Variants in HSD17B12 observed in about 807,000 individuals in gnomAD.
The protein encoded by HSD17B12 is hydroxysteroid 17-beta dehydrogenase 12.
HSD17B12 carries 32 observed loss-of-function variants against 39.3 expected under a neutral mutation model. The ratio of observed to expected loss-of-function variants is 0.81; its 90% CI spans 0.61 to 1.09. HSD17B12 has a LOEUF of 1.09. HSD17B12 is among the 50% of genes least tolerant of loss of function. HSD17B12 has a pLI of 0.00. For synonymous variants in HSD17B12, 150 were observed against 146.7 expected (o/e 1.02, Z -0.16); for missense variants, 342 against 382.9 (o/e 0.89, Z 0.89).
the HSD17B12 span, among the ~76,000 whole-genome samples, chr11:43,593,617 T>C: frequency 6.6e-6 from 1 of 152,178 alleles, no homozygotes; most frequent in African/African-American, 2.4e-5. Flanking sequence ...GAACTGACTT[T>C]ATCTTCGTAA....
At chr11:43,744,918 C>A (rs899267596) in intron 1 of HSD17B12, among the ~76,000 whole-genome samples, 1 of 152,212 alleles carries the variant, frequency 6.6e-6, no homozygotes, top group Admixed American at 6.5e-5. Flanking sequence ...CAACCTTTGT[C>A]CCTGAGTGTG....
chr11:43,628,951 C>T, the HSD17B12 span, among the ~76,000 whole-genome samples: 1 of 152,074 alleles, frequency 6.6e-6, no homozygotes, highest in Non-Finnish European at 1.5e-5. Flanking sequence ...GAATGTCACT[C>T]ATCCTAACTG....
chr11:43,650,917 T>C, the HSD17B12 span, among the ~76,000 whole-genome samples: 1 of 152,240 alleles, frequency 6.6e-6, no homozygotes. Context: ...TGTCCATTAG[T>C]TACTTAGTAG....
At chr11:43,828,212 G>A (rs1455064734) in intron 6 of HSD17B12, among the ~76,000 whole-genome samples, 2 of 147,066 alleles carry the variant, frequency 1.4e-5, no homozygotes, top group Non-Finnish European at 3.0e-5. Context: ...GCGGGATCTC[G>A]GCTCACTGCA....
At chr11:43,723,661 AT>A (rs2134870384) in intron 1 of HSD17B12, among the ~76,000 whole-genome samples, 1 of 152,372 alleles carries the variant, frequency 6.6e-6, no homozygotes, top group Non-Finnish European at 1.5e-5. Flanking sequence ...CATGTAAAAT[AT>A]CTTGTCTTAC....
intron 3 of HSD17B12, among the ~76,000 whole-genome samples, chr11:43,766,390 A>T (rs12224087): frequency 1.3e-5 from 2 of 152,020 alleles, no homozygotes; most frequent in African/African-American, 2.4e-5. Context: ...TGCATTCTTT[A>T]TTGTCCAATG....
At chr11:43,783,414 C>CT (rs869204675) in intron 3 of HSD17B12, among the ~76,000 whole-genome samples, 15 of 131,498 alleles carry the variant, frequency 1.1e-4, no homozygotes, top group Admixed American at 2.3e-4. Flanking sequence ...TTTTTTTTTA[C>CT]TTTTTTTTTT....
intron 3 of HSD17B12, among the ~76,000 whole-genome samples, chr11:43,769,039 A>C (rs1475017731): frequency 2.6e-5 from 4 of 152,240 alleles, no homozygotes; most frequent in Non-Finnish European, 5.9e-5. Flanking sequence ...CACCAGGTTC[A>C]AGTGATTCTG....
the HSD17B12 span, among the ~76,000 whole-genome samples, chr11:43,638,575 C>T: frequency 1.3e-5 from 2 of 151,984 alleles, no homozygotes; most frequent in African/African-American, 4.8e-5. Context: ...TTTTCTTAAA[C>T]GGAAAGGGAA....
At chr11:43,672,572 A>C in the HSD17B12 span, among the ~76,000 whole-genome samples, 3 of 151,734 alleles carry the variant, frequency 2.0e-5, no homozygotes, top group Non-Finnish European at 4.4e-5. Flanking sequence ...TTTTAAGATA[A>C]AGTCTCACTC....
chr11:43,755,897 T>C (rs1220468684), intron 3 of HSD17B12, among the ~76,000 whole-genome samples: 2 of 152,198 alleles, frequency 1.3e-5, no homozygotes, highest in Admixed American at 6.5e-5. Flanking sequence ...AGAAGTTTAA[T>C]AGATACACAT....
At chr11:43,571,676 G>C in the HSD17B12 span, among the ~76,000 whole-genome samples, 63 of 152,278 alleles carry the variant, frequency 4.1e-4, no homozygotes, top group African/African-American at 1.5e-3. Flanking sequence ...TGAATAGACT[G>C]TTGAGACTAT....
chr11:43,794,614 A>C (rs1321739674), intron 3 of HSD17B12, among the ~76,000 whole-genome samples: 3 of 152,206 alleles, frequency 2.0e-5, no homozygotes, highest in Non-Finnish European at 4.4e-5. Context: ...ATCACTTTAA[A>C]CATTCACCGG....
intron 1 of HSD17B12, among the ~76,000 whole-genome samples, chr11:43,732,705 C>G (rs538429627): frequency 6.6e-6 from 1 of 152,072 alleles, no homozygotes; most frequent in Non-Finnish European, 1.5e-5. Flanking sequence ...TCAAGTGATC[C>G]TTCTGCGTTG....
the HSD17B12 span, among the ~76,000 whole-genome samples, chr11:43,560,477 G>T: frequency 5.3e-5 from 8 of 152,262 alleles, no homozygotes; most frequent in African/African-American, 4.8e-5. Context: ...GAACTCTATT[G>T]CCTTCCTTCT....
intron 1 of HSD17B12, among the ~76,000 whole-genome samples, chr11:43,729,446 T>G (rs1226200485): frequency 6.6e-6 from 1 of 152,226 alleles, no homozygotes. Context: ...AAGTTGTTTT[T>G]TCTCTCTTTG....
At chr11:43,662,791 CT>C in the HSD17B12 span, among the ~76,000 whole-genome samples, 1 of 152,128 alleles carries the variant, frequency 6.6e-6, no homozygotes, top group Non-Finnish European at 1.5e-5. Flanking sequence ...AGACTATTGA[CT>C]ATTCCTACCT....
At chr11:43,559,692 G>A in the HSD17B12 span, 1 of 155,974 alleles carries the variant, frequency 6.4e-6, no homozygotes, top group Non-Finnish European at 1.5e-5. Context: ...AGTGTATGTG[G>A]TGAACCTGAA....
the HSD17B12 span, among the ~76,000 whole-genome samples, chr11:43,612,218 T>C: frequency 6.6e-6 from 1 of 152,170 alleles, no homozygotes. Context: ...TAATTTGGGG[T>C]ATTTTATAAA....
Sources: gnomAD v4.1 joint callset for allele counts (sites outside exome capture counted in the v4.1 genomes callset) on GRCh38, gnomAD v4.1.1 for gene constraint, MANE v1.5 for transcripts, NCBI Gene and HGNC (gene_info 2026-07-23, HGNC 2026-07-21) for gene names.